FER1L5: variants seen among roughly 807,000 people sequenced by gnomAD.
FER1L5 encodes fer-1-like protein 5.
FER1L5 carries 187 observed loss-of-function variants against 279.9 expected under a neutral mutation model. The observed-to-expected ratio is 0.67, with a 90% CI of 0.59 to 0.75. The LOEUF is 0.75. Ranked by LOEUF, FER1L5 falls within the 30% of genes least tolerant of loss-of-function variation. FER1L5 has a pLI of 0.00. For missense variants in FER1L5, 2,091 were observed against 2,594.4 expected (o/e 0.81, Z 4.21); for synonymous variants, 921 against 989.7 (o/e 0.93, Z 1.30).
chr2:96,694,211 T>C lies in FER1L5; in HGVS notation c.3636+139T>C. 1 of 1,346,898 alleles carries C rather than the reference T, an allele frequency of 7.4e-7. No homozygotes were observed. Among genetic ancestry groups the C allele is most frequent in the South Asian group, 1.5e-5 (1 of 66,900 alleles). 83.4% of individuals were successfully genotyped at this position (1,346,898 alleles called of 1,614,324 possible). A position where few individuals can be genotyped will look rare whatever the true frequency, so the allele number is the denominator to read the frequency against. ...TCCCGAGCTGTGGGCTTGGTGACGC[T>C]GGCCTGACCAGCCTCTCCCCTAAGT... On this transcript the variant is annotated intron_variant, in intron 33 of 52. Coordinates refer to ENST00000624922, the MANE Select transcript of FER1L5 (RefSeq NM_001293083.2). This position sits in a 1 kb window ranked among gnomAD's most constrained non-coding sequence, Gnocchi z 4.6.
intron 1 of FER1L5, among the ~76,000 whole-genome samples, chr2:96,646,156 G>A (rs112453785): frequency 2.0e-5 from 3 of 151,858 alleles, no homozygotes; most frequent in East Asian, 1.9e-4. Flanking sequence ...CCGCCACCAC[G>A]CCCGGCTAAT....
intron 7 of FER1L5, chr2:96,652,240 A>C (rs2075412170): frequency 1.7e-6 from 1 of 593,660 alleles, no homozygotes; most frequent in African/African-American, 1.9e-5. Flanking sequence ...ACAACTCATG[A>C]ATCCGTAAAC....
chr2:96,653,711 C>G lies in FER1L5; in HGVS notation c.696+9C>G, dbSNP rs777580978. The G allele has an allele frequency of 1.3e-6, 2 of 1,548,790 alleles. No homozygotes were observed. The highest frequency in any genetic ancestry group is 1.7e-6 in the Non-Finnish European group (2 of 1,145,256). On this transcript the variant is annotated intron_variant, in intron 8 of 52. Transcript: ENST00000624922. Reference sequence around the variant, plus strand: ...AGACCATCTTAATCCAGGTGAGGAGCCAAACTGGTCCCCAGCAAGGTGGGT... The same window carrying G: ...AGACCATCTTAATCCAGGTGAGGAGGCAAACTGGTCCCCAGCAAGGTGGGT...
intron 3 of FER1L5, 116 bp downstream of exon 3, chr2:96,647,271 C>T (rs1173349719): frequency 2.6e-6 from 3 of 1,136,820 alleles, no homozygotes; most frequent in African/African-American, 1.6e-5. Context: ...CCACTCCAGC[C>T]AGCTAAAAAG....
chr2:96,683,761 G>A (rs963263827), intron 19 of FER1L5, among the ~76,000 whole-genome samples: 35 of 152,222 alleles, frequency 2.3e-4, no homozygotes, highest in Admixed American at 1.4e-3. Context: ...TTTTCTGCAT[G>A]TTAAATGTTC....
chr2:96,656,835 T>G (rs952741595), intron 9 of FER1L5, among the ~76,000 whole-genome samples: 7 of 151,374 alleles, frequency 4.6e-5, no homozygotes, highest in Non-Finnish European at 1.5e-5. Context: ...TGGGTTTTGC[T>G]GATTTCATCT....
At position 96,651,255 on chromosome 2, in the gene FER1L5, CTT is replaced by C. The variant is rs750773265; in HGVS notation, c.505-635_505-634del. On this transcript the variant is annotated intron_variant, in intron 6 of 52. Coordinates refer to ENST00000624922, the MANE Select transcript of FER1L5 (RefSeq NM_001293083.2). ...TTTCTTTCTCTTTCTTTCTTTCTTT[CTT>C]TCTTTCTTTCTTTCTTTCTTTCTTT... is the stretch of plus-strand genomic sequence containing the variant. 2.1e-4 allele frequency among the ~76,000 whole-genome samples: 30 copies of C among 140,552 alleles called. No individual in the cohort carries two copies. In the South Asian group the frequency reaches 6.5e-3, roughly 30 times the overall value. The allele number at this position is 140,552 out of a possible 152,430, so 92.2% of individuals were successfully genotyped here.
chr2:96,659,182 C>G (rs919525545), intron 9 of FER1L5, among the ~76,000 whole-genome samples: 1 of 152,042 alleles, frequency 6.6e-6, no homozygotes, highest in Non-Finnish European at 1.5e-5. Context: ...ATCCGCCTGC[C>G]TCAGCCTCCC....
chr2:96,680,012 GC>G (rs1421906442), intron 19 of FER1L5, among the ~76,000 whole-genome samples: 5 of 151,990 alleles, frequency 3.3e-5, no homozygotes, highest in Admixed American at 1.3e-4. Flanking sequence ...TCTGCAATCT[GC>G]CCCTACTCAG....
intron 26 of FER1L5, 31 bp from the exon 27 acceptor site, chr2:96,690,456 C>T (rs2077098053): frequency 6.5e-7 from 1 of 1,542,876 alleles, no homozygotes; most frequent in Non-Finnish European, 8.8e-7. Context: ...AGCTCATGTG[C>T]CCCTCGCTCG....
chr2:96,659,290 T>TTCCTTCCTGCC (rs1553449027), intron 9 of FER1L5, among the ~76,000 whole-genome samples: 1 of 80,942 alleles, frequency 1.2e-5, no homozygotes, highest in African/African-American at 4.9e-5. Flanking sequence ...TTTATCAAGC[T>TTCCTTCCTGCC]TTCCTTCCTT....
At chr2:96,644,694 G>A (rs778230670) in intron 1 of FER1L5, among the ~76,000 whole-genome samples, 3 of 152,144 alleles carry the variant, frequency 2.0e-5, no homozygotes, top group Non-Finnish European at 4.4e-5. Context: ...TTTATTTTAT[G>A]CTGTTGTTCT....
Position 96,703,309 on chromosome 2 carries a change from C to A in FER1L5, c.5654C>A (p.Pro1885His). The A allele has an allele frequency of 6.2e-7, 1 of 1,613,104 alleles. No homozygotes were observed. The highest frequency in any genetic ancestry group is 8.5e-7 in the Non-Finnish European group (1 of 1,179,524). The change falls in exon 50 of 53, where the codon CCT (proline) becomes CAT (histidine). Residue 1885 changes from proline (P) to histidine (H), a missense_variant. Coordinates refer to ENST00000624922, the MANE Select transcript of FER1L5 (RefSeq NM_001293083.2). ...FKKKTVTGWW[P>H]CQVLDGGKWR... Reference sequence around the variant, plus strand: ...AAGAAGACTGTGACTGGCTGGTGGCCTTGCCAGGTCCTCGATGGTGGCAAA... The same window carrying A: ...AAGAAGACTGTGACTGGCTGGTGGCATTGCCAGGTCCTCGATGGTGGCAAA...
At chr2:96,687,760 G>A (rs1046299776) in intron 23 of FER1L5, 56 bp from the exon 24 acceptor site, 12 of 1,541,258 alleles carry the variant, frequency 7.8e-6, no homozygotes, top group East Asian at 2.5e-5. Flanking sequence ...GGGGGTGGCC[G>A]GGGTGGCGTT....
Position 96,685,953 on chromosome 2 carries a change from T to A in FER1L5, c.1909T>A (p.Cys637Ser). ...LAEDCKRPLP[C>S]MTYQPKATSL... ...TCCTGGCCACAGGCGCCCTCTGCCC[T>A]GCATGACCTATCAGCCCAAAGCCAC... Residue 637 changes from cysteine to serine, a missense_variant, in exon 22 of 53, where the codon TGC becomes AGC. By Grantham distance (112) the Cys-to-Ser change is moderately radical (BLOSUM62 -1). Transcript: ENST00000624922. The A allele has an allele frequency of 6.5e-7, 1 of 1,545,020 alleles. No individual in the cohort carries two copies. Among genetic ancestry groups the A allele is most frequent in the Non-Finnish European group, 8.7e-7 (1 of 1,143,678 alleles).
chr2:96,685,877 A>G, intron 21 of FER1L5, 63 bp from the exon 22 acceptor site: 1 of 1,461,458 alleles, frequency 6.8e-7, no homozygotes. Flanking sequence ...AAGGCAGGGC[A>G]GGAATGGTGA....
At position 96,663,466 on chromosome 2, in the gene FER1L5, G is replaced by C; in HGVS notation, c.1099G>C (p.Asp367His). The change falls in exon 14 of 53, where the codon GAC becomes CAC. Residue 367 changes from aspartate (D) to histidine (H), a missense_variant. Transcript: ENST00000624922. ...KLRTHMQTQT[D>H]NPIWNQILTF... is the part of the protein sequence containing the mutation. The stretch of plus-strand genomic sequence containing the variant: ...CAGGACACACATGCAGACCCAAACC[G>C]ACAACCCGATATGGAACCAGATCCT... 6.4e-7 allele frequency: 1 copy of C among 1,551,578 alleles called. No homozygotes were observed.
At chr2:96,675,807 C>T (rs1427680158) in intron 19 of FER1L5, among the ~76,000 whole-genome samples, 3 of 152,004 alleles carry the variant, frequency 2.0e-5, no homozygotes, top group Non-Finnish European at 4.4e-5. Flanking sequence ...ATTTTTCATA[C>T]AGGTGGGATT....
chr2:96,689,680 GC>G lies in FER1L5; in HGVS notation c.2563del (p.Leu855TrpfsTer26). The stretch of plus-strand genomic sequence containing the variant: ...ACATAGACATCAACAAGAGCCAGGT[GC>G]TGGAGGAGGTATATGAGAACCAGGG... ...LDIDINKSQVLEEVYENQGRD... is the reference protein window; with the variant it reads ...LDIDINKSQVXEEVYENQGRD... On this transcript the variant is annotated frameshift_variant, in exon 26 of 53. Transcript: ENST00000624922. LOFTEE classifies it high-confidence loss of function. This position sits in a 1 kb window ranked among gnomAD's most constrained non-coding sequence, Gnocchi z 4.6. 1 of 1,551,164 alleles carries G rather than the reference GC, an allele frequency of 6.4e-7. No individual in the cohort carries two copies. The highest frequency in any genetic ancestry group is 8.7e-7 in the Non-Finnish European group (1 of 1,146,914).
Sources: gnomAD v4.1 joint callset for allele counts (sites outside exome capture counted in the v4.1 genomes callset) on GRCh38, gnomAD v4.1.1 for gene constraint, Gnocchi (gnomAD v3.1) non-coding constraint, MANE v1.5 for transcripts, NCBI Gene and HGNC (gene_info 2026-07-23, HGNC 2026-07-21) for gene names.